KPNB1: variants seen among roughly 807,000 people sequenced by gnomAD.
KPNB1 encodes the protein karyopherin subunit beta 1, also known as importin subunit beta-1.
Under a neutral mutation model 113.0 loss-of-function variants are expected in KPNB1, and 7 were observed. The observed-to-expected ratio is 0.06, with a 90% CI of 0.04 to 0.12. KPNB1 has a LOEUF of 0.12. Among genes scored for constraint, KPNB1 ranks in the 10% least tolerant of loss-of-function variants. KPNB1 has a pLI of 1.00. For synonymous variants in KPNB1, 363 were observed against 378.6 expected (o/e 0.96, Z 0.48); for missense variants, 400 against 1,054.8 (o/e 0.38, Z 8.60).
chr17:47,653,420 G>T (rs1307481526), intron 3 of KPNB1, among the ~76,000 whole-genome samples: 3 of 151,736 alleles, frequency 2.0e-5, no homozygotes, highest in African/African-American at 7.3e-5. Flanking sequence ...TTTTGTACTT[G>T]AAGTAGAGAC....
intron 5 of KPNB1, among the ~76,000 whole-genome samples, chr17:47,660,579 C>T (rs1397158980): frequency 6.6e-6 from 1 of 152,102 alleles, no homozygotes; most frequent in Non-Finnish European, 1.5e-5. Context: ...GGTCTGAAAC[C>T]CCAGAGCAAA....
At chr17:47,664,368 A>G (rs2030201078) in intron 8 of KPNB1, 99 bp downstream of exon 8, 1 of 803,372 alleles carries the variant, frequency 1.2e-6, no homozygotes, top group East Asian at 2.6e-5. Context: ...GTCTGGGTTT[A>G]GAGGGTATCT....
chr17:47,655,551 C>T (rs747965756), intron 3 of KPNB1, among the ~76,000 whole-genome samples: 26 of 152,084 alleles, frequency 1.7e-4, no homozygotes, highest in Non-Finnish European at 2.8e-4. Context: ...ACCCCGAATG[C>T]TGAGTTGTTA....
Position 47,672,120 on chromosome 17 carries a change from T to C in KPNB1, c.1548-898T>C, listed in dbSNP as rs971266419. Among the ~76,000 whole-genome samples the C allele has an allele frequency of 1.5e-4, 23 of 151,902 alleles. No individual in the cohort carries two copies. In the South Asian group the frequency reaches 1.7e-3, roughly 11 times the overall value. On this transcript the variant is annotated intron_variant, in intron 12 of 21. Coordinates refer to ENST00000290158, the MANE Select transcript of KPNB1 (RefSeq NM_002265.6). The stretch of plus-strand genomic sequence containing the variant: ...TCCTGGGTTCAAGTGATTCTCGTAC[T>C]TCAGCCTCCCGAGTAGCTGGTACTA...
At chr17:47,677,394 C>G (rs780061089) in intron 17 of KPNB1, among the ~76,000 whole-genome samples, 19 of 150,934 alleles carry the variant, frequency 1.3e-4, no homozygotes, top group Non-Finnish European at 2.4e-4. Flanking sequence ...ATCGCTTGTA[C>G]CCGGGAGGTG....
chr17:47,681,139 G>A (rs887695404), intron 21 of KPNB1, among the ~76,000 whole-genome samples: 1 of 149,748 alleles, frequency 6.7e-6, no homozygotes, highest in African/African-American at 2.5e-5. Context: ...GCACAATCTC[G>A]GTTCACTGCA....
At chr17:47,678,982 C>T (rs954320375) in intron 19 of KPNB1, among the ~76,000 whole-genome samples, 5 of 151,974 alleles carry the variant, frequency 3.3e-5, no homozygotes, top group Non-Finnish European at 5.9e-5. Context: ...TGCAGTGGAG[C>T]GATCACAGCT....
At chr17:47,660,278 A>G (rs1319090451) in intron 5 of KPNB1, among the ~76,000 whole-genome samples, 2 of 152,306 alleles carry the variant, frequency 1.3e-5, no homozygotes, top group East Asian at 3.9e-4. Context: ...AAGGGGTAGC[A>G]TTTGTCAAAA....
rs35834634 is a variant in KPNB1, at chr17:47,656,543, C to CTTT, written c.283-306_283-304dup. ...CAACTGACTGAGGCCTTGTATTTTC[C>CTTT]TTTTTTTTTTTTTGAGCCTGGGCAA... On this transcript the variant is annotated intron_variant, in intron 3 of 21. Coordinates refer to ENST00000290158, the MANE Select transcript of KPNB1 (RefSeq NM_002265.6). Among the ~76,000 whole-genome samples the CTTT allele has an allele frequency of 1.1e-3, 162 of 145,514 alleles. No homozygotes were observed. In the South Asian group the frequency reaches 0.013, roughly 12 times the overall value.
chr17:47,653,958 A>G (rs1915650247), intron 3 of KPNB1, among the ~76,000 whole-genome samples: 1 of 152,210 alleles, frequency 6.6e-6, no homozygotes, highest in African/African-American at 2.4e-5. Context: ...AGTGACATAA[A>G]TGGAAGTATA....
intron 21 of KPNB1, 26 bp downstream of exon 21, chr17:47,680,695 T>C (rs775638655): frequency 1.9e-6 from 3 of 1,603,742 alleles, no homozygotes. Context: ...CACTGTCCTC[T>C]TTCTTCTACT....
chr17:47,672,159 A>C lies in KPNB1; in HGVS notation c.1548-859A>C, dbSNP rs147834022. Among the ~76,000 whole-genome samples the C allele has an allele frequency of 3.0e-3, 455 of 151,766 alleles. 3 individuals carry two copies. The highest frequency in any genetic ancestry group is 0.01 in the African/African-American group (430 of 41,382). ...TAGCTGGTACTAAAGGTGCCCACCAACATGCCTGGCTAATTTTTGTATTTT... is the reference window on the plus strand; with the variant it reads ...TAGCTGGTACTAAAGGTGCCCACCACCATGCCTGGCTAATTTTTGTATTTT... On this transcript the variant is annotated intron_variant, in intron 12 of 21. Coordinates refer to ENST00000290158, the MANE Select transcript of KPNB1 (RefSeq NM_002265.6).
At chr17:47,650,827 C>T (rs1915540035) in intron 2 of KPNB1, among the ~76,000 whole-genome samples, 1 of 152,080 alleles carries the variant, frequency 6.6e-6, no homozygotes, top group African/African-American at 2.4e-5. Flanking sequence ...AGCTCCGGGC[C>T]CGGCCGCCCG....
At chr17:47,677,614 TATTA>T (rs1479814676) in intron 17 of KPNB1, among the ~76,000 whole-genome samples, 1 of 152,184 alleles carries the variant, frequency 6.6e-6, no homozygotes, top group Non-Finnish European at 1.5e-5. Flanking sequence ...ATGTGTGCTC[TATTA>T]GAGATTTTTA....
intron 2 of KPNB1, chr17:47,651,360 T>C: frequency 1.0e-6 from 1 of 985,244 alleles, no homozygotes. Context: ...GGATGATGCT[T>C]GACATCTTTG....
chr17:47,664,233 T>C lies in KPNB1; in HGVS notation c.861T>C (p.Cys287=). Residue 287 remains cysteine, a synonymous_variant, in exon 8 of 22, where the codon TGT becomes TGC. Transcript: ENST00000290158. ...LQGIEFWSNV[C]DEEMDLAIEA... is the part of the protein sequence containing the mutation. ...GGATAGAATTCTGGTCCAATGTCTG[T>C]GATGAGGAAATGGATTTGGCCATTG... The C allele has an allele frequency of 1.2e-6, 2 of 1,613,308 alleles. No homozygotes were observed. The highest frequency in any genetic ancestry group is 1.7e-6 in the Non-Finnish European group (2 of 1,179,380).
chr17:47,650,356 C>T (rs995383655), intron 1 of KPNB1, 30 bp from the exon 2 acceptor site: 2 of 1,610,888 alleles, frequency 1.2e-6, no homozygotes, highest in African/African-American at 1.3e-5. Flanking sequence ...CCCTCTGACC[C>T]CGCTCCGTCT....
chr17:47,653,001 T>C, intron 3 of KPNB1, 125 bp downstream of exon 3: 1 of 575,772 alleles, frequency 1.7e-6, no homozygotes, highest in East Asian at 3.2e-5. Flanking sequence ...CAACTTTACC[T>C]AAAGATAAAA....
intron 12 of KPNB1, among the ~76,000 whole-genome samples, chr17:47,671,101 C>CA (rs1381120971): frequency 6.6e-6 from 1 of 152,130 alleles, no homozygotes; most frequent in Non-Finnish European, 1.5e-5. Context: ...ACTAAAAATA[C>CA]AAAAAATTAG....
Sources: gnomAD v4.1 joint callset for allele counts (sites outside exome capture counted in the v4.1 genomes callset) on GRCh38, gnomAD v4.1.1 for gene constraint, MANE v1.5 for transcripts, NCBI Gene and HGNC (gene_info 2026-07-23, HGNC 2026-07-21) for gene names.